SLK: variants seen among roughly 807,000 people sequenced by gnomAD.
SLK encodes the protein STE20 like kinase.
SLK carries 67 observed loss-of-function variants against 147.7 expected under a neutral mutation model. The observed-to-expected ratio is 0.45, with a 90% CI of 0.37 to 0.56. The LOEUF (loss-of-function observed/expected upper bound fraction) is 0.56. SLK is among the 20% of genes least tolerant of loss of function. SLK has a pLI of 0.00. For missense variants in SLK, 1,136 were observed against 1,438.8 expected, an observed-to-expected ratio of 0.79 and a Z score of 3.41; for synonymous variants, 441 against 475.0, an observed-to-expected ratio of 0.93 and a Z score of 0.93.
chr10:104,025,422 A>G (rs1277652636), intron 18 of SLK, 152 bp from the exon 19 acceptor site: 1 of 687,164 alleles, frequency 1.5e-6, no homozygotes, highest in Non-Finnish European at 2.4e-6. Context: ...GGCTGTACAA[A>G]GCTTATGATC....
chr10:104,003,324 A>C lies in SLK; in HGVS notation c.2146A>C (p.Asn716His). 1 of 1,613,962 alleles carries C rather than the reference A, an allele frequency of 6.2e-7. No individual in the cohort carries two copies. Among genetic ancestry groups the C allele is most frequent in the Non-Finnish European group, 8.5e-7 (1 of 1,179,822 alleles). ...TGTTCTAATACCCAGTATTAATATC[A>C]ACTCTGACAGTGGAGAAAATAAAGA... Reference protein sequence around the residue: ...QPVLIPSININSDSGENKEEI... With the variant: ...QPVLIPSINIHSDSGENKEEI... The change falls in exon 9 of 19, where the codon AAC becomes CAC. Residue 716 changes from asparagine (N) to histidine (H), a missense_variant. Transcript: ENST00000369755.
At chr10:103,974,740 T>A (rs1166808150) in intron 1 of SLK, 1 of 98,790 alleles carries the variant, frequency 1.0e-5, no homozygotes, top group Non-Finnish European at 1.9e-5. Flanking sequence ...AAGCTCTGCC[T>A]CCCGGGTTCA....
At chr10:103,987,995 GGGAGCCCT>G (rs1169962093) in intron 1 of SLK, among the ~76,000 whole-genome samples, 4 of 152,176 alleles carry the variant, frequency 2.6e-5, no homozygotes, top group Non-Finnish European at 5.9e-5. Flanking sequence ...TATGTGACAT[GGGAGCCCT>G]CAAAAGAAAA....
At chr10:103,987,789 C>A (rs1337126398) in intron 1 of SLK, among the ~76,000 whole-genome samples, 6 of 151,798 alleles carry the variant, frequency 4.0e-5, no homozygotes, top group South Asian at 2.1e-4. Context: ...AGAAGTTAAC[C>A]AAAGAAGGAA....
intron 18 of SLK, among the ~76,000 whole-genome samples, chr10:104,025,012 G>A (rs1163682871): frequency 6.6e-6 from 1 of 152,140 alleles, no homozygotes; most frequent in Non-Finnish European, 1.5e-5. Flanking sequence ...GATTTGGGGG[G>A]CACAGACATT....
chr10:104,023,803 C>T (rs1844564684), intron 18 of SLK, among the ~76,000 whole-genome samples: 1 of 152,160 alleles, frequency 6.6e-6, no homozygotes, highest in South Asian at 2.1e-4. Context: ...AATATAAACT[C>T]CTTAAAAGCA....
chr10:103,982,637 A>G (rs1483719865), intron 1 of SLK, among the ~76,000 whole-genome samples: 2 of 152,210 alleles, frequency 1.3e-5, no homozygotes, highest in African/African-American at 2.4e-5. Context: ...CAGATTTTGT[A>G]TTTGTGAATT....
At chr10:103,968,635 T>C (rs186075356) in intron 1 of SLK, among the ~76,000 whole-genome samples, 3 of 152,338 alleles carry the variant, frequency 2.0e-5, no homozygotes, top group Admixed American at 1.3e-4. Context: ...AATGATGTCA[T>C]TGGAGTATTT....
Position 104,025,865 on chromosome 10 carries a change from G to A in SLK, c.*145G>A. The A allele has an allele frequency of 1.4e-6, 1 of 709,688 alleles. No individual in the cohort carries two copies. The highest frequency in any genetic ancestry group is 3.4e-5 in the Admixed American group (1 of 29,064). The allele number at this position is 709,688 out of a possible 1,614,324, so 44.0% of individuals were successfully genotyped here. ...TTTCCTTTTTTGTTTTTTTTGTTTTGTTTTGTTTTTAAGCAAAGATGAAGG... is the reference window on the plus strand; with the variant it reads ...TTTCCTTTTTTGTTTTTTTTGTTTTATTTTGTTTTTAAGCAAAGATGAAGG... On this transcript the variant is annotated 3_prime_UTR_variant, in exon 19 of 19. Coordinates refer to ENST00000369755, the MANE Select transcript of SLK (RefSeq NM_014720.4).
At chr10:103,982,453 A>T (rs1018751952) in intron 1 of SLK, among the ~76,000 whole-genome samples, 2 of 152,218 alleles carry the variant, frequency 1.3e-5, no homozygotes, top group African/African-American at 2.4e-5. Flanking sequence ...TTGAATACCT[A>T]ACCAGAACAA....
At chr10:103,998,141 A>C (rs1844199524) in intron 4 of SLK, among the ~76,000 whole-genome samples, 1 of 152,154 alleles carries the variant, frequency 6.6e-6, no homozygotes. Flanking sequence ...AAAAACAACA[A>C]AGGTTAGAAT....
chr10:103,971,330 T>C (rs2864006), intron 1 of SLK, among the ~76,000 whole-genome samples: 122,320 of 152,092 alleles, frequency 0.8, 49,361 homozygotes, highest in East Asian at 0.9. Context: ...GCTGCAGTGC[T>C]GTGGCGCAAT....
chr10:104,011,002 T>C (rs1844392952), intron 13 of SLK, 94 bp downstream of exon 13: 1 of 654,036 alleles, frequency 1.5e-6, no homozygotes, highest in Non-Finnish European at 2.4e-6. Context: ...TTAAGTGTTA[T>C]TATTATATGA....
chr10:103,973,196 T>C (rs1843816849), intron 1 of SLK, among the ~76,000 whole-genome samples: 1 of 152,212 alleles, frequency 6.6e-6, no homozygotes. Context: ...CTACCTAGAA[T>C]AGATGTTTGT....
At chr10:104,013,484 C>A (rs897519317) in intron 13 of SLK, among the ~76,000 whole-genome samples, 1 of 152,260 alleles carries the variant, frequency 6.6e-6, no homozygotes, top group Non-Finnish European at 1.5e-5. Context: ...TCAAATCCTT[C>A]ATTTTACAGA....
chr10:104,009,980 CAT>C (rs946052453), intron 12 of SLK, among the ~76,000 whole-genome samples: 1 of 152,070 alleles, frequency 6.6e-6, no homozygotes, highest in African/African-American at 2.4e-5. Context: ...CTTGTAAACA[CAT>C]GATTGTTTTT....
intron 1 of SLK, among the ~76,000 whole-genome samples, chr10:103,973,447 T>C (rs1843820681): frequency 6.6e-6 from 1 of 152,232 alleles, no homozygotes; most frequent in Non-Finnish European, 1.5e-5. Flanking sequence ...TTCTTCAACA[T>C]AGTTTAGTAG....
intron 3 of SLK, 76 bp downstream of exon 3, chr10:103,992,722 A>T: frequency 7.7e-7 from 1 of 1,303,776 alleles, no homozygotes; most frequent in Non-Finnish European, 1.0e-6. Flanking sequence ...ACCATATATA[A>T]ATATATTCAA....
intron 1 of SLK, among the ~76,000 whole-genome samples, chr10:103,986,239 T>C (rs1204898641): frequency 6.6e-6 from 1 of 152,188 alleles, no homozygotes; most frequent in African/African-American, 2.4e-5. Context: ...TAATATATAA[T>C]GAAATAATTA....
Sources: allele counts gnomAD v4.1 joint callset (sites outside exome capture counted in the v4.1 genomes callset), GRCh38; gene constraint gnomAD v4.1.1; transcripts MANE v1.5; gene names NCBI Gene and HGNC (gene_info 2026-07-23, HGNC 2026-07-21).